Variants in SRPK2 observed in about 807,000 individuals in gnomAD.
SRPK2 encodes SRSF protein kinase 2.
In SRPK2, 21 loss-of-function variants were observed where a neutral mutation model predicts 90.8. That is an observed-to-expected ratio of 0.23 (90% confidence interval 0.16 to 0.33). SRPK2 has a LOEUF of 0.33. SRPK2 is among the 10% of genes least tolerant of loss of function. SRPK2 has a pLI of 1.00. For missense variants in SRPK2, 620 were observed against 869.0 expected (o/e 0.71, Z 3.60); for synonymous variants, 288 against 311.1 (o/e 0.93, Z 0.78).
At chr7:105,242,928 T>C (rs958158664) in intron 2 of SRPK2, among the ~76,000 whole-genome samples, 1 of 152,248 alleles carries the variant, frequency 6.6e-6, no homozygotes, top group Non-Finnish European at 1.5e-5. Context: ...AATATAAATC[T>C]ACTTCTGTAT....
At chr7:105,275,440 T>C (rs1488027273) in intron 2 of SRPK2, among the ~76,000 whole-genome samples, 1 of 151,910 alleles carries the variant, frequency 6.6e-6, no homozygotes, top group African/African-American at 2.4e-5. Flanking sequence ...TTTCCCCCAT[T>C]CATTCTCTTG....
chr7:105,153,283 G>A lies in SRPK2; in HGVS notation c.622-6625C>T, dbSNP rs190229965. ...TCTAGGGCTGGGAGCTAGAAGCCCC[G>A]AGTCCCATTCCAAATTAACTAGCTA... On this transcript the variant is annotated intron_variant, in intron 7 of 15. Coordinates refer to ENST00000393651, the MANE Select transcript of SRPK2 (RefSeq NM_182692.3). Among the ~76,000 whole-genome samples the A allele has an allele frequency of 2.5e-3, 373 of 152,242 alleles. 2 individuals are homozygous for A. The highest frequency in any genetic ancestry group is 0.018 in the South Asian group (86 of 4,820).
intron 3 of SRPK2, among the ~76,000 whole-genome samples, chr7:105,190,768 A>T (rs1481779936): frequency 6.6e-6 from 1 of 152,048 alleles, no homozygotes; most frequent in East Asian, 1.9e-4. Flanking sequence ...TCTTTACTAA[A>T]CCACCTGCTT....
intron 7 of SRPK2, among the ~76,000 whole-genome samples, chr7:105,158,346 C>T (rs548126535): frequency 2.0e-5 from 3 of 152,188 alleles, no homozygotes; most frequent in African/African-American, 7.2e-5. Context: ...CCTCCACCTC[C>T]CGGGTTCAAG....
intron 6 of SRPK2, among the ~76,000 whole-genome samples, chr7:105,166,133 C>G (rs1790029772): frequency 6.6e-6 from 1 of 152,226 alleles, no homozygotes; most frequent in Non-Finnish European, 1.5e-5. Flanking sequence ...ACACTTTCCT[C>G]TGTTAAGAAT....
At chr7:105,118,594 A>G (rs559430646) in intron 15 of SRPK2, among the ~76,000 whole-genome samples, 1 of 152,298 alleles carries the variant, frequency 6.6e-6, no homozygotes, top group East Asian at 1.9e-4. Context: ...TCATTTCATA[A>G]GAGAAAAAAA....
At chr7:105,265,655 T>G (rs950640554) in intron 2 of SRPK2, among the ~76,000 whole-genome samples, 6 of 152,142 alleles carry the variant, frequency 3.9e-5, no homozygotes, top group African/African-American at 1.4e-4. Context: ...CATTTATTAC[T>G]GTAAACAGGA....
intron 2 of SRPK2, among the ~76,000 whole-genome samples, chr7:105,229,205 C>T (rs1353503822): frequency 3.9e-5 from 6 of 152,176 alleles, no homozygotes; most frequent in African/African-American, 1.4e-4. Context: ...GGCTCACGCC[C>T]GTAATACCAG....
intron 2 of SRPK2, among the ~76,000 whole-genome samples, chr7:105,270,501 G>A (rs1248746803): frequency 2.0e-5 from 3 of 151,104 alleles, no homozygotes; most frequent in Non-Finnish European, 4.4e-5. Context: ...TCCGCCTCCC[G>A]GGTTCAAGCG....
intron 7 of SRPK2, among the ~76,000 whole-genome samples, chr7:105,150,185 C>T (rs1223027227): frequency 1.3e-5 from 2 of 152,216 alleles, no homozygotes; most frequent in African/African-American, 2.4e-5. Flanking sequence ...AGAATATTTA[C>T]TGTTTTGGAT....
intron 11 of SRPK2, among the ~76,000 whole-genome samples, chr7:105,135,552 T>C (rs1802681699): frequency 6.6e-6 from 1 of 152,236 alleles, no homozygotes; most frequent in Non-Finnish European, 1.5e-5. Flanking sequence ...GTGGTCCTCC[T>C]GAGCCACAGA....
At chr7:105,292,765 A>G (rs1341026609) in intron 2 of SRPK2, among the ~76,000 whole-genome samples, 6 of 152,228 alleles carry the variant, frequency 3.9e-5, no homozygotes, top group African/African-American at 1.4e-4. Flanking sequence ...TGAGAAAACT[A>G]TAAATGGTAG....
At chr7:105,221,431 C>T (rs1208179333) in intron 2 of SRPK2, among the ~76,000 whole-genome samples, 1 of 151,368 alleles carries the variant, frequency 6.6e-6, no homozygotes, top group African/African-American at 2.4e-5. Context: ...TCCTCATGCC[C>T]TTCTTGAATC....
intron 2 of SRPK2, among the ~76,000 whole-genome samples, chr7:105,234,832 A>G (rs537263892): frequency 6.6e-6 from 1 of 152,342 alleles, no homozygotes; most frequent in East Asian, 1.9e-4. Flanking sequence ...GTAAGAAAAG[A>G]GGGCATCACA....
chr7:105,389,773 T>TG (rs1394626409), upstream of SRPK2, among the ~76,000 whole-genome samples: 3 of 152,172 alleles, frequency 2.0e-5, no homozygotes, highest in African/African-American at 7.2e-5. Flanking sequence ...AAGTTGATAG[T>TG]GACACAAAAA....
chr7:105,270,081 T>C (rs1805623694), intron 2 of SRPK2, among the ~76,000 whole-genome samples: 1 of 152,296 alleles, frequency 6.6e-6, no homozygotes, highest in Non-Finnish European at 1.5e-5. Context: ...TTCCATAAAA[T>C]ACAATGGACC....
chr7:105,340,782 T>G (rs1363015248), intron 2 of SRPK2, among the ~76,000 whole-genome samples: 1 of 152,116 alleles, frequency 6.6e-6, no homozygotes, highest in Non-Finnish European at 1.5e-5. Context: ...AGACTGTCAA[T>G]TAAAAGATAT....
intron 2 of SRPK2, among the ~76,000 whole-genome samples, chr7:105,271,760 C>T (rs1198291023): frequency 6.6e-6 from 1 of 152,202 alleles, no homozygotes; most frequent in Non-Finnish European, 1.5e-5. Context: ...CACTTTCTTA[C>T]ACACACCGCA....
chr7:105,331,632 A>G (rs1699155536), intron 2 of SRPK2, among the ~76,000 whole-genome samples: 1 of 152,202 alleles, frequency 6.6e-6, no homozygotes, highest in Admixed American at 6.5e-5. Context: ...CACTGTGCTT[A>G]GGCCCTGATT....
Sources: gnomAD v4.1 joint callset for allele counts (sites outside exome capture counted in the v4.1 genomes callset) on GRCh38, gnomAD v4.1.1 for gene constraint, MANE v1.5 for transcripts, NCBI Gene and HGNC (gene_info 2026-07-23, HGNC 2026-07-21) for gene names.